ROBO2: variants seen among roughly 807,000 people sequenced by gnomAD.
ROBO2 encodes roundabout homolog 2.
Under a neutral mutation model 160.8 loss-of-function variants are expected in ROBO2, and 53 were observed. The ratio of observed to expected loss-of-function variants is 0.33; its 90% CI spans 0.26 to 0.41. The LOEUF (loss-of-function observed/expected upper bound fraction) is 0.41, where lower values mean the gene tolerates loss of function less well. ROBO2 is among the 10% of genes least tolerant of loss of function. ROBO2 has a pLI of 1.00. For synonymous variants in ROBO2, 664 were observed against 611.7 expected (o/e 1.09, Z -1.26); for missense variants, 1,577 against 1,722.4 (o/e 0.92, Z 1.49).
chr3:76,268,612 C>G (rs1390293), intron 2 of ROBO2, among the ~76,000 whole-genome samples: 149,349 of 152,218 alleles, frequency 0.98, 73,322 homozygotes, highest in Middle Eastern at 1. Context: ...CTGGATTAGG[C>G]TCCCACCGTT....
At chr3:76,709,299 A>AT (rs2093238800) in intron 2 of ROBO2, among the ~76,000 whole-genome samples, 1 of 152,178 alleles carries the variant, frequency 6.6e-6, no homozygotes, top group Non-Finnish European at 1.5e-5. Context: ...CAGCTCAACA[A>AT]TGTCAGATTT....
intron 9 of ROBO2, among the ~76,000 whole-genome samples, chr3:77,561,514 C>T (rs1463465558): frequency 6.6e-6 from 1 of 152,108 alleles, no homozygotes; most frequent in East Asian, 1.9e-4. Context: ...TCTTCTGCTT[C>T]TTGCATTTGT....
chr3:77,437,864 A>G (rs1183096382), intron 2 of ROBO2, among the ~76,000 whole-genome samples: 1 of 152,030 alleles, frequency 6.6e-6, no homozygotes, highest in African/African-American at 2.4e-5. Context: ...CAATTCCTTA[A>G]TATCCAGATG....
At chr3:76,103,561 A>G (rs2069793354) in intron 2 of ROBO2, among the ~76,000 whole-genome samples, 1 of 152,160 alleles carries the variant, frequency 6.6e-6, no homozygotes, top group African/African-American at 2.4e-5. Context: ...GAGGACCGTT[A>G]TCATTATGTT....
intron 2 of ROBO2, among the ~76,000 whole-genome samples, chr3:75,982,799 T>C (rs2107458799): frequency 6.6e-6 from 1 of 151,504 alleles, no homozygotes; most frequent in African/African-American, 2.4e-5. Context: ...TCCAATCAGC[T>C]TAAGAGCATT....
intron 2 of ROBO2, among the ~76,000 whole-genome samples, chr3:77,103,097 G>A (rs2072239013): frequency 6.6e-6 from 1 of 152,256 alleles, no homozygotes; most frequent in East Asian, 1.9e-4. Flanking sequence ...TGGAGCAGAA[G>A]GAGCACAGGG....
rs538060480 is a variant in ROBO2, at chr3:76,779,615, G to A, written c.110-318399G>A. ...AATCACATAATATTTGTCTTTCTGC[G>A]TCTGGCTTATTTCACTTGGCATAAT... is the stretch of plus-strand genomic sequence containing the variant. On this transcript the variant is annotated intron_variant, in intron 2 of 26. Transcript: ENST00000487694. Among the ~76,000 whole-genome samples, 63 of 150,930 alleles carry A rather than the reference G, an allele frequency of 4.2e-4. 1 individual carries two copies. Among genetic ancestry groups the A allele is most frequent in the Admixed American group, 2.5e-3 (37 of 15,084 alleles).
intron 13 of ROBO2, among the ~76,000 whole-genome samples, chr3:77,573,073 TC>T (rs1390067389): frequency 6.6e-6 from 1 of 152,032 alleles, no homozygotes; most frequent in African/African-American, 2.4e-5. Context: ...TTTCCATTAA[TC>T]TTTACACTTT....
chr3:77,517,554 T>A (rs2090149975), intron 5 of ROBO2, among the ~76,000 whole-genome samples: 1 of 151,636 alleles, frequency 6.6e-6, no homozygotes, highest in Non-Finnish European at 1.5e-5. Flanking sequence ...AAATCTGTAC[T>A]GAAGCTCTTA....
chr3:76,851,094 G>T (rs2069298043), intron 2 of ROBO2, among the ~76,000 whole-genome samples: 1 of 152,110 alleles, frequency 6.6e-6, no homozygotes, highest in Admixed American at 6.5e-5. Flanking sequence ...GAGAAGTTTT[G>T]TGCATGTAAC....
chr3:76,224,534 T>C (rs1179084729), intron 2 of ROBO2, among the ~76,000 whole-genome samples: 1 of 152,208 alleles, frequency 6.6e-6, no homozygotes, highest in Admixed American at 6.5e-5. Context: ...AGATACTTTT[T>C]ACTCAGTCTA....
At chr3:76,482,102 G>A (rs1391755764) in intron 2 of ROBO2, among the ~76,000 whole-genome samples, 1 of 152,028 alleles carries the variant, frequency 6.6e-6, no homozygotes, top group Non-Finnish European at 1.5e-5. Flanking sequence ...GAAAACCCCT[G>A]CCAAACCACC....
At chr3:77,031,112 A>C (rs538372366) in intron 2 of ROBO2, among the ~76,000 whole-genome samples, 2 of 152,300 alleles carry the variant, frequency 1.3e-5, no homozygotes, top group East Asian at 3.9e-4. Flanking sequence ...TGAAGATATA[A>C]GAAATTGTGT....
chr3:77,111,398 T>A (rs1213402916), intron 2 of ROBO2, among the ~76,000 whole-genome samples: 3 of 152,198 alleles, frequency 2.0e-5, no homozygotes, highest in Non-Finnish European at 4.4e-5. Flanking sequence ...TCGAGCTATC[T>A]TAAGTAGACA....
intron 2 of ROBO2, among the ~76,000 whole-genome samples, chr3:76,782,758 C>T (rs964545823): frequency 5.3e-5 from 8 of 150,604 alleles, no homozygotes; most frequent in African/African-American, 1.9e-4. Context: ...TACTTTCAGG[C>T]TGTGTATATT....
intron 2 of ROBO2, among the ~76,000 whole-genome samples, chr3:76,466,419 A>T (rs2078364503): frequency 1.3e-5 from 2 of 151,972 alleles, no homozygotes; most frequent in Admixed American, 1.3e-4. Context: ...CAGAAAGTAC[A>T]AGCTTTTAGC....
intron 2 of ROBO2, among the ~76,000 whole-genome samples, chr3:77,442,444 A>T (rs1159973290): frequency 1.3e-5 from 2 of 152,166 alleles, no homozygotes; most frequent in East Asian, 1.9e-4. Context: ...TAATTTTCAA[A>T]CTTTTTTCAC....
chr3:77,115,407 A>G (rs1560041950), intron 2 of ROBO2, among the ~76,000 whole-genome samples: 1 of 152,178 alleles, frequency 6.6e-6, no homozygotes, highest in Non-Finnish European at 1.5e-5. Flanking sequence ...GTCATCTTCA[A>G]AGTTTTCATA....
chr3:76,011,539 T>A (rs374162856), intron 2 of ROBO2, among the ~76,000 whole-genome samples: 2 of 152,168 alleles, frequency 1.3e-5, no homozygotes, highest in African/African-American at 4.8e-5. Context: ...CTCTTGTGAA[T>A]TGGACTCTGC....
Sources: gnomAD v4.1 joint callset for allele counts (sites outside exome capture counted in the v4.1 genomes callset) on GRCh38, gnomAD v4.1.1 for gene constraint, MANE v1.5 for transcripts, NCBI Gene and HGNC (gene_info 2026-07-23, HGNC 2026-07-21) for gene names.